Variants in TMPRSS7 observed in about 807,000 individuals in gnomAD.
TMPRSS7 encodes transmembrane serine protease 7.
Under a neutral mutation model 95.6 loss-of-function variants are expected in TMPRSS7, and 81 were observed. The ratio of observed to expected loss-of-function variants is 0.85; its 90% CI spans 0.71 to 1.02. TMPRSS7 has a LOEUF of 1.02. TMPRSS7 is among the 50% of genes least tolerant of loss of function. TMPRSS7 has a pLI of 0.00. For synonymous variants in TMPRSS7, 364 were observed against 337.8 expected, an observed-to-expected ratio of 1.08 and a Z score of -0.85; for missense variants, 945 against 955.2, an observed-to-expected ratio of 0.99 and a Z score of 0.14.
chr3:112,047,561 A>G, intron 6 of TMPRSS7, 178 bp from the exon 7 acceptor site: 1 of 666,544 alleles, frequency 1.5e-6, no homozygotes, highest in South Asian at 1.6e-5. Flanking sequence ...CAGAGTGTGG[A>G]TAGTTTCTAA....
At chr3:112,050,916 T>C in intron 9 of TMPRSS7, 133 bp downstream of exon 9, 1 of 520,786 alleles carries the variant, frequency 1.9e-6, no homozygotes, top group East Asian at 3.2e-5. Context: ...AAATATATTA[T>C]TTAGAATGCA....
At chr3:112,046,862 AG>A in intron 5 of TMPRSS7, 111 bp from the exon 6 acceptor site, 1 of 675,066 alleles carries the variant, frequency 1.5e-6, no homozygotes, top group South Asian at 1.6e-5. Context: ...AGTAAATCCC[AG>A]ATGTGTTTGA....
At chr3:112,051,642 A>G (rs569175958) in intron 9 of TMPRSS7, among the ~76,000 whole-genome samples, 13 of 100,326 alleles carry the variant, frequency 1.3e-4, no homozygotes, top group African/African-American at 3.8e-4. Flanking sequence ...CTATCTATCT[A>G]TCTATCTATC....
chr3:112,046,637 T>C (rs2073282851), intron 5 of TMPRSS7, among the ~76,000 whole-genome samples: 1 of 152,224 alleles, frequency 6.6e-6, no homozygotes. Context: ...ATTTCATATA[T>C]AGGACTAATA....
exon 2 of TMPRSS7, chr3:112,038,238 A>G: frequency 1.4e-6 from 1 of 702,974 alleles, no homozygotes; most frequent in Non-Finnish European, 2.6e-6. Flanking sequence ...CCCTTTTGGA[A>G]TGTACAAAAT....
chr3:112,051,660 CT>C (rs369851069), intron 9 of TMPRSS7, among the ~76,000 whole-genome samples: 87 of 103,786 alleles, frequency 8.4e-4, no homozygotes, highest in East Asian at 3.4e-3. Context: ...ATCTATCTAT[CT>C]ATCTATCATC....
At chr3:112,069,262 T>A (rs1295593163) in intron 13 of TMPRSS7, among the ~76,000 whole-genome samples, 1 of 152,232 alleles carries the variant, frequency 6.6e-6, no homozygotes, top group Admixed American at 6.5e-5. Flanking sequence ...TCAATGTTCA[T>A]CTGGGGTATT....
At chr3:112,067,000 C>G (rs1424544934) in intron 13 of TMPRSS7, among the ~76,000 whole-genome samples, 1 of 152,068 alleles carries the variant, frequency 6.6e-6, no homozygotes, top group Non-Finnish European at 1.5e-5. Flanking sequence ...CCCTGACAGG[C>G]CCTGGTGTGT....
At chr3:112,041,880 A>G in intron 2 of TMPRSS7, 40 bp from the exon 3 acceptor site, 1 of 1,353,246 alleles carries the variant, frequency 7.4e-7, no homozygotes, top group Non-Finnish European at 1.0e-6. Flanking sequence ...TGCCACACAG[A>G]TGGGAAAGCC....
intron 2 of TMPRSS7, among the ~76,000 whole-genome samples, chr3:112,040,104 C>T (rs191198787): frequency 1.6e-4 from 24 of 151,010 alleles, no homozygotes; most frequent in Admixed American, 1.5e-3. Context: ...CCTAGATGTA[C>T]TCTCAGAGAT....
chr3:112,062,100 T>C (rs915007588), intron 11 of TMPRSS7, among the ~76,000 whole-genome samples, 177 bp downstream of exon 11: 1 of 151,408 alleles, frequency 6.6e-6, no homozygotes, highest in African/African-American at 2.4e-5. Flanking sequence ...ATAACAAATA[T>C]ATAAGATTAC....
At chr3:112,062,972 C>G (rs961758672) in intron 11 of TMPRSS7, among the ~76,000 whole-genome samples, 2 of 152,176 alleles carry the variant, frequency 1.3e-5, no homozygotes, top group African/African-American at 4.8e-5. Flanking sequence ...AGGTAAGGGG[C>G]AGGAGTCTGG....
chr3:112,080,829 G>A (rs975208207), intron 17 of TMPRSS7, 85 bp from the exon 18 acceptor site: 4 of 1,394,560 alleles, frequency 2.9e-6, no homozygotes, highest in African/African-American at 1.5e-5. Context: ...GAGGACTCTT[G>A]AACACAATTC....
intron 17 of TMPRSS7, among the ~76,000 whole-genome samples, chr3:112,079,850 G>T (rs896565534): frequency 1.3e-5 from 2 of 152,188 alleles, no homozygotes; most frequent in African/African-American, 4.8e-5. Flanking sequence ...TGGGCACAGA[G>T]AGGGTAAGTA....
exon 9 of TMPRSS7, chr3:112,050,672 G>A: frequency 6.3e-7 from 1 of 1,580,746 alleles, no homozygotes; most frequent in Middle Eastern, 1.7e-4. Context: ...CTTTTCCAGA[G>A]TGTGAAAACA....
exon 15 of TMPRSS7, chr3:112,075,454 G>T: frequency 6.5e-7 from 1 of 1,529,192 alleles, no homozygotes. Flanking sequence ...TCTCCAGGGA[G>T]TGGCTTCTTT....
chr3:112,047,011 T>C (rs1351771452), exon 6 of TMPRSS7: 1 of 702,736 alleles, frequency 1.4e-6, no homozygotes, highest in Admixed American at 2.0e-5. Flanking sequence ...CCATAGGATC[T>C]GGTAAATTCT....
chr3:112,038,133 C>T (rs1334443766), exon 2 of TMPRSS7: 29 of 702,620 alleles, frequency 4.1e-5, no homozygotes, highest in Non-Finnish European at 6.8e-5. Flanking sequence ...AGACGACCAC[C>T]GTTGCCAGGG....
chr3:112,051,212 TACAA>T (rs1202695899), intron 9 of TMPRSS7, among the ~76,000 whole-genome samples: 1 of 152,052 alleles, frequency 6.6e-6, no homozygotes, highest in Non-Finnish European at 1.5e-5. Flanking sequence ...CAAAACATTT[TACAA>T]ACAGACACAA....
Sources: gnomAD v4.1 joint callset for allele counts (sites outside exome capture counted in the v4.1 genomes callset) on GRCh38, gnomAD v4.1.1 for gene constraint, MANE v1.5 for transcripts, NCBI Gene and HGNC (gene_info 2026-07-23, HGNC 2026-07-21) for gene names.